Variants in ZNF846 observed in about 807,000 individuals in gnomAD.
ZNF846 encodes zinc finger protein 420 pseudogene.
A neutral mutation model predicts 16.0 loss-of-function variants in ZNF846; 15 were observed. The observed-to-expected ratio is 0.94, with a 90% confidence interval of 0.63 to 1.45. The LOEUF is 1.45. ZNF846 is among the 40% of genes most tolerant of loss of function. ZNF846 has a pLI of 0.00. For synonymous variants in ZNF846, 229 were observed against 212.0 expected, an observed-to-expected ratio of 1.08 and a Z score of -0.70; for missense variants, 714 against 622.3, an observed-to-expected ratio of 1.15 and a Z score of -1.57.
intron 1 of ZNF846, among the ~76,000 whole-genome samples, chr19:9,785,386 TG>T (rs1568332361): frequency 6.6e-6 from 1 of 151,808 alleles, no homozygotes; most frequent in Non-Finnish European, 1.5e-5. Context: ...TTAGTAGAGA[TG>T]GGGTTTCACC....
chr19:9,766,449 A>G (rs1358553496), intron 1 of ZNF846, among the ~76,000 whole-genome samples: 1 of 151,400 alleles, frequency 6.6e-6, no homozygotes, highest in African/African-American at 2.4e-5. Flanking sequence ...ATATGCCACA[A>G]TTCACCCATT....
intron 1 of ZNF846, among the ~76,000 whole-genome samples, chr19:9,767,177 C>T (rs1432853814): frequency 6.6e-6 from 1 of 151,458 alleles, no homozygotes; most frequent in Admixed American, 6.6e-5. Flanking sequence ...CTCTTGTTGC[C>T]CAGGCTGTAG....
chr19:9,749,543 TTTC>T (rs1032062090), downstream of ZNF846, among the ~76,000 whole-genome samples: 4 of 130,746 alleles, frequency 3.1e-5, no homozygotes, highest in African/African-American at 1.0e-4. Context: ...CTGATAAGTC[TTTC>T]TTTTTTTTTT....
intron 1 of ZNF846, among the ~76,000 whole-genome samples, chr19:9,778,799 G>A (rs553747526): frequency 2.5e-4 from 26 of 103,954 alleles, no homozygotes; most frequent in Non-Finnish European, 4.5e-4. Context: ...GCGAAAACTC[G>A]TCTCAAAAAA....
chr19:9,769,060 G>A (rs747582288), upstream of ZNF846, among the ~76,000 whole-genome samples: 1 of 152,186 alleles, frequency 6.6e-6, no homozygotes, highest in Admixed American at 6.5e-5. Flanking sequence ...GATGCTCATC[G>A]AGTGCTTTTC....
intron 4 of ZNF846, among the ~76,000 whole-genome samples, chr19:9,760,805 G>A (rs2045214381): frequency 6.6e-6 from 1 of 151,578 alleles, no homozygotes; most frequent in South Asian, 2.1e-4. Flanking sequence ...TATACAGAAA[G>A]GGTAAATCCG....
At chr19:9,758,786 A>T (rs747163863) in intron 5 of ZNF846, 22 bp from the exon 6 acceptor site, 1 of 1,511,106 alleles carries the variant, frequency 6.6e-7, no homozygotes, top group South Asian at 1.3e-5. Context: ...TAAAAGATGA[A>T]TAAAGAATTT....
intron 1 of ZNF846, among the ~76,000 whole-genome samples, chr19:9,784,459 TA>T (rs2045537979): frequency 6.6e-6 from 1 of 152,226 alleles, no homozygotes; most frequent in Non-Finnish European, 1.5e-5. Flanking sequence ...CCTCCAGCCA[TA>T]AGGCGGTTTT....
At chr19:9,758,507 T>C in exon 6 of ZNF846, 1 of 1,613,590 alleles carries the variant, frequency 6.2e-7, no homozygotes, top group South Asian at 1.1e-5. Flanking sequence ...GTGTGTGAGT[T>C]TTATTCTGCC....
intron 1 of ZNF846, among the ~76,000 whole-genome samples, chr19:9,782,441 G>A (rs1022320091): frequency 6.6e-6 from 1 of 151,882 alleles, no homozygotes; most frequent in African/African-American, 2.4e-5. Context: ...TTAATTTTTT[G>A]TTCCAGAGAT....
chr19:9,750,382 C>A (rs530190932), downstream of ZNF846, among the ~76,000 whole-genome samples: 4 of 152,280 alleles, frequency 2.6e-5, no homozygotes, highest in African/African-American at 7.2e-5. Context: ...TACGCAGTTG[C>A]ACCATCAATC....
chr19:9,776,745 C>T (rs1234014770), intron 1 of ZNF846, among the ~76,000 whole-genome samples: 2 of 152,170 alleles, frequency 1.3e-5, no homozygotes, highest in African/African-American at 4.8e-5. Context: ...GAGAAGCCCA[C>T]CGACCCTGTG....
chr19:9,758,353 TA>T lies in ZNF846; in HGVS notation c.723del (p.Ile242Ter), dbSNP rs867073523. ...CCACTGTGAATTCTTCCATGTCCTA[TA>T]AGGTGTGAGGAATTACTGAAGGCTT... On this transcript the variant is annotated frameshift_variant, in exon 6 of 6. Transcript: ENST00000397902. LOFTEE classifies it low-confidence loss of function (END_TRUNC). The T allele has an allele frequency of 2.5e-6, 4 of 1,613,412 alleles. No individual in the cohort carries two copies. The African/African-American group carries it at 5.4e-5, about 22-fold the overall frequency.
intron 1 of ZNF846, among the ~76,000 whole-genome samples, chr19:9,782,607 G>C (rs1052706014): frequency 2.0e-5 from 3 of 152,078 alleles, no homozygotes; most frequent in Non-Finnish European, 4.4e-5. Flanking sequence ...GATGTACATG[G>C]TGTCTCAACA....
chr19:9,776,080 T>C (rs934170693), intron 1 of ZNF846, among the ~76,000 whole-genome samples: 8 of 152,246 alleles, frequency 5.3e-5, no homozygotes, highest in African/African-American at 1.9e-4. Flanking sequence ...GGCTCCTTGG[T>C]CTAGCGGTAA....
At chr19:9,779,241 A>G (rs564246063) in intron 1 of ZNF846, among the ~76,000 whole-genome samples, 9 of 152,154 alleles carry the variant, frequency 5.9e-5, no homozygotes, top group Non-Finnish European at 1.0e-4. Flanking sequence ...TGTTACTTCC[A>G]GAAGTTAGAA....
intron 1 of ZNF846, among the ~76,000 whole-genome samples, chr19:9,775,767 G>T (rs1269913996): frequency 6.6e-6 from 1 of 152,126 alleles, no homozygotes; most frequent in Non-Finnish European, 1.5e-5. Flanking sequence ...GTCCCTTGTG[G>T]GCAGCAAGCC....
intron 1 of ZNF846, among the ~76,000 whole-genome samples, chr19:9,783,157 C>T (rs1160524509): frequency 1.3e-5 from 2 of 151,524 alleles, no homozygotes; most frequent in Admixed American, 6.6e-5. Flanking sequence ...ACTTGAGCCA[C>T]CCCTTGGCCT....
At chr19:9,780,342 T>C (rs2045490511) in intron 1 of ZNF846, among the ~76,000 whole-genome samples, 1 of 152,166 alleles carries the variant, frequency 6.6e-6, no homozygotes, top group African/African-American at 2.4e-5. Flanking sequence ...TAACTAGGAC[T>C]ACAGGCATGT....
Sources: gnomAD v4.1 joint callset for allele counts (sites outside exome capture counted in the v4.1 genomes callset) on GRCh38, gnomAD v4.1.1 for gene constraint, MANE v1.5 for transcripts, NCBI Gene and HGNC (gene_info 2026-07-23, HGNC 2026-07-21) for gene names.